Variants in CDCA2 observed in about 807,000 individuals in gnomAD.
The protein encoded by CDCA2 is cell division cycle-associated protein 2.
A neutral mutation model predicts 67.0 loss-of-function variants in CDCA2; 44 were observed. The ratio of observed to expected loss-of-function variants is 0.66; its 90% CI spans 0.52 to 0.84. The LOEUF (loss-of-function observed/expected upper bound fraction) is 0.84. Ranked by LOEUF, CDCA2 falls within the 40% of genes least tolerant of loss-of-function variation. CDCA2 has a pLI of 0.00. For missense variants in CDCA2, 1,253 were observed against 1,203.2 expected (o/e 1.04, Z -0.61); for synonymous variants, 447 against 418.7 (o/e 1.07, Z -0.82).
At chr8:25,460,986 G>C (rs61024547) in intron 3 of CDCA2, among the ~76,000 whole-genome samples, 61,408 of 151,990 alleles carry the variant, frequency 0.4, 12,821 homozygotes, top group African/African-American at 0.52. Context: ...TCACAAACAG[G>C]GTTGGGCTCA....
chr8:25,501,912 T>G (rs1804492630), intron 13 of CDCA2, among the ~76,000 whole-genome samples: 1 of 152,172 alleles, frequency 6.6e-6, no homozygotes, highest in African/African-American at 2.4e-5. Flanking sequence ...TTTTGTTTTG[T>G]TTTTTTGAGA....
intron 7 of CDCA2, among the ~76,000 whole-genome samples, chr8:25,476,467 GC>G (rs1803351057): frequency 6.6e-6 from 1 of 152,012 alleles, no homozygotes; most frequent in Non-Finnish European, 1.5e-5. Context: ...TCACCCCTAA[GC>G]CCTCCTGCAT....
At position 25,459,259 on chromosome 8, in the gene CDCA2, G is replaced by C. The variant is rs1185521967; in HGVS notation, c.-215G>C. On this transcript the variant is annotated 5_prime_UTR_variant, in exon 1 of 15. Coordinates refer to ENST00000330560, the MANE Select transcript of CDCA2 (RefSeq NM_152562.4). Reference sequence around the variant, plus strand: ...GAGGAGGCTGCCGGGCAGAGCGCAGGCCAGGATCAGCGCAGGCTGTGAGTC... The same window carrying C: ...GAGGAGGCTGCCGGGCAGAGCGCAGCCCAGGATCAGCGCAGGCTGTGAGTC... The C allele has an allele frequency of 2.0e-5, 3 of 152,502 alleles. No homozygotes were observed. Among genetic ancestry groups the C allele is most frequent in the African/African-American group, 7.2e-5 (3 of 41,454 alleles). 9.4% of individuals were successfully genotyped at this position (152,502 alleles called of 1,614,324 possible).
chr8:25,460,625 T>C, intron 3 of CDCA2, 71 bp downstream of exon 3: 1 of 1,482,930 alleles, frequency 6.7e-7, no homozygotes, highest in South Asian at 1.3e-5. Context: ...CTCAGCTTTA[T>C]TTGTTTATAC....
chr8:25,496,683 A>T (rs902403877), intron 13 of CDCA2, among the ~76,000 whole-genome samples: 10 of 152,156 alleles, frequency 6.6e-5, no homozygotes, highest in Non-Finnish European at 1.3e-4. Flanking sequence ...ATCACTAATC[A>T]TCAGGGAAAT....
intron 13 of CDCA2, among the ~76,000 whole-genome samples, chr8:25,492,633 G>A (rs985480672): frequency 6.6e-6 from 1 of 152,182 alleles, no homozygotes; most frequent in Non-Finnish European, 1.5e-5. Context: ...ATAGTGCTAG[G>A]AATCATCTCC....
At chr8:25,470,730 G>A (rs1803118586) in intron 7 of CDCA2, among the ~76,000 whole-genome samples, 1 of 149,534 alleles carries the variant, frequency 6.7e-6, no homozygotes, top group Non-Finnish European at 1.5e-5. Context: ...ACAAGATGTT[G>A]TTTTTGGATT....
intron 5 of CDCA2, among the ~76,000 whole-genome samples, chr8:25,466,740 A>G (rs1418523157): frequency 6.6e-6 from 1 of 152,112 alleles, no homozygotes; most frequent in Non-Finnish European, 1.5e-5. Flanking sequence ...CCCAACCCTG[A>G]TGTTAAAAAC....
chr8:25,460,294 A>G lies in CDCA2; in HGVS notation c.55A>G (p.Asn19Asp), dbSNP rs1586453768. ...PPETKESAMN[N>D]AGNASFILGT... ...TGAAACCAAGGAGTCTGCAATGAATAATGCTGGTATGTGATGATCTGCCTC... is the reference window on the plus strand; with the variant it reads ...TGAAACCAAGGAGTCTGCAATGAATGATGCTGGTATGTGATGATCTGCCTC... The change falls in exon 2 of 15, where the codon AAT (asparagine) becomes GAT (aspartate). Residue 19 changes from asparagine (N) to aspartate (D), a missense_variant. Physicochemically the swap from Asn to Asp is conservative, Grantham distance 23. Transcript: ENST00000330560. 6.2e-7 allele frequency: 1 copy of G among 1,614,186 alleles called. No individual in the cohort carries two copies. The highest frequency in any genetic ancestry group is 2.2e-5 in the East Asian group (1 of 44,888).
At chr8:25,475,447 A>C (rs914699008) in intron 7 of CDCA2, among the ~76,000 whole-genome samples, 15 of 152,182 alleles carry the variant, frequency 9.9e-5, no homozygotes, top group African/African-American at 3.1e-4. Flanking sequence ...TGAACCCAGG[A>C]GGCGGAGGTT....
At chr8:25,497,129 G>A (rs1804254890) in intron 13 of CDCA2, among the ~76,000 whole-genome samples, 1 of 152,084 alleles carries the variant, frequency 6.6e-6, no homozygotes, top group African/African-American at 2.4e-5. Context: ...GACTCTAGTT[G>A]TTTATGACAC....
At chr8:25,467,559 G>T (rs1802963807) in intron 5 of CDCA2, among the ~76,000 whole-genome samples, 1 of 152,082 alleles carries the variant, frequency 6.6e-6, no homozygotes, top group South Asian at 2.1e-4. Context: ...CAGAGTATTA[G>T]AGCATAACCA....
At chr8:25,500,733 G>T (rs1326748700) in intron 13 of CDCA2, among the ~76,000 whole-genome samples, 1 of 152,176 alleles carries the variant, frequency 6.6e-6, no homozygotes, top group Admixed American at 6.5e-5. Flanking sequence ...AAAAGAATTT[G>T]AAAGAACAAG....
At chr8:25,477,929 C>CTT (rs374545705) in intron 7 of CDCA2, among the ~76,000 whole-genome samples, 5 of 143,720 alleles carry the variant, frequency 3.5e-5, no homozygotes, top group Non-Finnish European at 4.6e-5. Flanking sequence ...TTTTCTTTTC[C>CTT]TTTTTTTTTT....
chr8:25,494,198 A>G (rs1804117714), intron 13 of CDCA2, among the ~76,000 whole-genome samples: 1 of 152,068 alleles, frequency 6.6e-6, no homozygotes, highest in Non-Finnish European at 1.5e-5. Context: ...GGTGGCTCAC[A>G]CCTGTAATCT....
intron 14 of CDCA2, among the ~76,000 whole-genome samples, chr8:25,504,673 C>T (rs772351125): frequency 5.3e-5 from 8 of 152,184 alleles, no homozygotes; most frequent in South Asian, 4.1e-4. Flanking sequence ...CTGTCGCATA[C>T]GCCCTGGCTC....
At chr8:25,481,126 G>T (rs1320413007) in intron 8 of CDCA2, among the ~76,000 whole-genome samples, 1 of 151,136 alleles carries the variant, frequency 6.6e-6, no homozygotes, top group South Asian at 2.1e-4. Context: ...TTTGTTCAAA[G>T]AGCTGATTTG....
Position 25,488,560 on chromosome 8 carries a change from C to A in CDCA2, c.1542C>A (p.Val514=). The A allele has an allele frequency of 1.9e-6, 3 of 1,603,032 alleles. No homozygotes were observed. The South Asian group carries it at 3.4e-5, about 18-fold the overall frequency. ...TRTSNRRNQL[V]SVVEESVCNL... ...TTACACTTTCTTTATAGCAATTGGT[C>A]AGTGTTGTAGAAGAGAGTGTTTGCA... The change falls in exon 13 of 15, where the codon GTC becomes GTA. Residue 514 remains valine, a synonymous_variant. Coordinates refer to ENST00000330560, the MANE Select transcript of CDCA2 (RefSeq NM_152562.4).
chr8:25,460,582 T>A (rs751441168), intron 3 of CDCA2, 28 bp downstream of exon 3: 1 of 1,590,610 alleles, frequency 6.3e-7, no homozygotes, highest in South Asian at 1.1e-5. Context: ...TCTGTTGTAA[T>A]GCTTTTCAAG....
Sources: allele counts gnomAD v4.1 joint callset (sites outside exome capture counted in the v4.1 genomes callset), GRCh38; gene constraint gnomAD v4.1.1; transcripts MANE v1.5; gene names NCBI Gene and HGNC (gene_info 2026-07-23, HGNC 2026-07-21).